The following SFTPD variants were observed in gnomAD, a reference collection of about 807,000 sequenced individuals.
The protein encoded by SFTPD is pulmonary surfactant-associated protein D.
Under a neutral mutation model 34.6 loss-of-function variants are expected in SFTPD, and 18 were observed. The ratio of observed to expected loss-of-function variants is 0.52; its 90% CI spans 0.36 to 0.77. The LOEUF (loss-of-function observed/expected upper bound fraction) is 0.77. Ranked by LOEUF, SFTPD falls within the 30% of genes least tolerant of loss-of-function variation. SFTPD has a pLI of 0.00. For synonymous variants in SFTPD, 155 were observed against 180.9 expected (o/e 0.86, Z 1.15); for missense variants, 433 against 468.9 (o/e 0.92, Z 0.71).
upstream of SFTPD, among the ~76,000 whole-genome samples, chr10:79,951,383 T>C (rs1421028695): frequency 2.0e-5 from 3 of 152,202 alleles, no homozygotes; most frequent in African/African-American, 7.2e-5. Context: ...TGTGACTGTA[T>C]GTTGTGTGTG....
chr10:79,957,011 A>C (rs958464446), intron 1 of SFTPD, among the ~76,000 whole-genome samples: 1 of 150,010 alleles, frequency 6.7e-6, no homozygotes, highest in Admixed American at 6.7e-5. Flanking sequence ...GCTGTTCTAC[A>C]GCCACCGCTG....
chr10:79,952,267 G>C (rs1347035204), upstream of SFTPD, among the ~76,000 whole-genome samples: 3 of 152,236 alleles, frequency 2.0e-5, no homozygotes, highest in Non-Finnish European at 2.9e-5. Context: ...TGGGAGTGCA[G>C]CTGCCCCCAG....
intron 1 of SFTPD, chr10:79,981,892 C>G (rs1177611382): frequency 1.8e-5 from 5 of 270,868 alleles, no homozygotes; most frequent in Admixed American, 5.2e-5. Flanking sequence ...TGAGCCGCCT[C>G]TTCCTGCTAG....
intron 1 of SFTPD, chr10:79,973,353 C>G (rs1289802783): frequency 2.0e-5 from 3 of 151,916 alleles, no homozygotes. Context: ...GGCGCAGTGG[C>G]TTACATCTGT....
intron 1 of SFTPD, chr10:79,968,769 G>A (rs1330608308): frequency 6.6e-6 from 1 of 152,160 alleles, no homozygotes; most frequent in Non-Finnish European, 1.5e-5. Context: ...CACAATGGCT[G>A]AACTAATTTA....
chr10:79,949,199 C>T (rs1325370903), upstream of SFTPD: 1 of 152,178 alleles, frequency 6.6e-6, no homozygotes, highest in Non-Finnish European at 1.5e-5. Flanking sequence ...GGGCAATTTT[C>T]TTCTTTATTG....
chr10:79,956,366 A>C (rs1842738010), intron 1 of SFTPD, among the ~76,000 whole-genome samples: 1 of 152,238 alleles, frequency 6.6e-6, no homozygotes, highest in African/African-American at 2.4e-5. Flanking sequence ...TCCCTCACTC[A>C]AGAGCACAAG....
At chr10:79,982,211 G>A (rs959630252) in intron 1 of SFTPD, 2 of 562,112 alleles carry the variant, frequency 3.6e-6, no homozygotes, top group Non-Finnish European at 5.3e-6. Context: ...CTGGGGCTCG[G>A]ATCTACCTTC....
intron 1 of SFTPD, among the ~76,000 whole-genome samples, chr10:79,976,845 G>A (rs975623758): frequency 2.0e-5 from 3 of 152,190 alleles, no homozygotes; most frequent in Admixed American, 1.3e-4. Context: ...TTGTGGGAGG[G>A]ACCCAGGAGG....
At chr10:79,942,942 C>A in intron 2 of SFTPD, 63 bp from the exon 3 acceptor site, 1 of 1,005,226 alleles carries the variant, frequency 9.9e-7, no homozygotes, top group Admixed American at 1.7e-5. Flanking sequence ...CAGCCTCCTG[C>A]AGGATCAGCC....
chr10:79,967,499 A>G (rs2132518878), intron 1 of SFTPD, among the ~76,000 whole-genome samples: 1 of 138,224 alleles, frequency 7.2e-6, no homozygotes, highest in East Asian at 3.1e-4. Context: ...CGCCAAGTCA[A>G]TCCTAAGCCA....
At chr10:79,951,308 G>A (rs889547202), upstream of SFTPD, among the ~76,000 whole-genome samples, 3 of 152,128 alleles carry the variant, frequency 2.0e-5, no homozygotes, top group African/African-American at 4.8e-5. Context: ...CTCATCTAGA[G>A]AACCCGTTAC....
At chr10:79,944,460 A>G (rs1467160595) in intron 2 of SFTPD, among the ~76,000 whole-genome samples, 2 of 152,144 alleles carry the variant, frequency 1.3e-5, no homozygotes, top group African/African-American at 4.8e-5. Context: ...GAGGTGAAGT[A>G]TGAGCTGCAG....
At chr10:79,951,703 CTGATGGGTACT>C (rs2132507387), upstream of SFTPD, among the ~76,000 whole-genome samples, 1 of 152,328 alleles carries the variant, frequency 6.6e-6, no homozygotes, top group East Asian at 1.9e-4. Flanking sequence ...GTGGCATAAG[CTGATGGGTACT>C]TGGTCTTTGT....
In SFTPD at chr10:79,946,526, C is replaced by T. The variant is rs373700194; in HGVS notation, c.134G>A (p.Ser45Asn). The change falls in exon 2 of 8, where the codon AGT (serine) becomes AAT (asparagine). Residue 45 changes from serine to asparagine, a missense_variant. Physicochemically the swap from Ser to Asn is conservative, Grantham distance 46. Transcript: ENST00000372292. ...CCGTCCATCGCGACCAGGCAGGCCA[C>T]TCTCCACTGAGCTACACATGACCAG... ...CTLVMCSSVESGLPGRDGRDG... is the reference protein window; with the variant it reads ...CTLVMCSSVENGLPGRDGRDG... 1.7e-5 allele frequency: 27 copies of T among 1,614,088 alleles called. No homozygotes were observed. The highest frequency in any genetic ancestry group is 2.2e-5 in the Non-Finnish European group (26 of 1,180,034).
At chr10:79,953,697 A>G (rs1472667521), upstream of SFTPD, among the ~76,000 whole-genome samples, 1 of 152,102 alleles carries the variant, frequency 6.6e-6, no homozygotes, top group African/African-American at 2.4e-5. Context: ...AAATTTGGGA[A>G]GTTTAAAGTT....
In SFTPD at chr10:79,942,692, G is replaced by C. The variant is rs536158232; in HGVS notation, c.316+71C>G. The C allele has an allele frequency of 1.1e-3, 1,268 of 1,121,602 alleles. 2 individuals are homozygous for C. Among genetic ancestry groups the C allele is most frequent in the Non-Finnish European group, 1.6e-3 (1,209 of 732,748 alleles). The allele number at this position is 1,121,602 out of a possible 1,614,324, so 69.5% of individuals were successfully genotyped here. A position where few individuals can be genotyped will look rare whatever the true frequency, so the allele number is the denominator to read the frequency against. ...CTTCTTCCTGGGATGGGCTCTGTGC[G>C]TGCCCACTGGCATATCCTTGCAGCT... On this transcript the variant is annotated intron_variant, in intron 3 of 7. Coordinates refer to ENST00000372292, the MANE Select transcript of SFTPD (RefSeq NM_003019.5).
intron 1 of SFTPD, among the ~76,000 whole-genome samples, chr10:79,957,574 G>A (rs1248933931): frequency 6.6e-6 from 1 of 152,070 alleles, no homozygotes; most frequent in Non-Finnish European, 1.5e-5. Context: ...AATGAATGAA[G>A]TGAAGCGAGA....
chr10:79,942,656 C>G, intron 3 of SFTPD, 107 bp downstream of exon 3: 1 of 964,280 alleles, frequency 1.0e-6, no homozygotes, highest in Non-Finnish European at 1.7e-6. Flanking sequence ...CCAGTGCCAC[C>G]TTCAGACAAC....
Sources: gnomAD v4.1 joint callset for allele counts (sites outside exome capture counted in the v4.1 genomes callset) on GRCh38, gnomAD v4.1.1 for gene constraint, MANE v1.5 for transcripts, NCBI Gene and HGNC (gene_info 2026-07-23, HGNC 2026-07-21) for gene names.